NGLY1: variants seen among roughly 807,000 people sequenced by gnomAD.
NGLY1 encodes the protein N-glycanase 1.
In NGLY1, 68 loss-of-function variants were observed where a neutral mutation model predicts 84.6. The observed-to-expected ratio is 0.80, with a 90% CI of 0.66 to 0.98. The LOEUF (loss-of-function observed/expected upper bound fraction) is 0.98. Among genes scored for constraint, NGLY1 ranks in the 50% least tolerant of loss-of-function variants. The pLI, the probability that NGLY1 is intolerant of heterozygous loss-of-function variation, is 0.00. For synonymous variants in NGLY1, 280 were observed against 275.2 expected (o/e 1.02, Z -0.17); for missense variants, 779 against 770.2 (o/e 1.01, Z -0.14).
At chr3:25,764,402 A>C (rs1707461457) in intron 2 of NGLY1, 91 bp from the exon 3 acceptor site, 1 of 1,269,620 alleles carries the variant, frequency 7.9e-7, no homozygotes. Flanking sequence ...TAATGAAACC[A>C]ATAATATAGA....
chr3:25,779,958 CTTTG>C (rs1009144992), intron 1 of NGLY1, among the ~76,000 whole-genome samples: 9 of 151,976 alleles, frequency 5.9e-5, no homozygotes, highest in African/African-American at 1.7e-4. Flanking sequence ...GAAATTTTTT[CTTTG>C]TTTGTTTACA....
chr3:25,737,093 A>AG (rs1435200475), intron 6 of NGLY1: 13 of 350,974 alleles, frequency 3.7e-5, no homozygotes, highest in African/African-American at 8.4e-5. Context: ...AAAAAAATAA[A>AG]GGGGAAAAAA....
chr3:25,765,348 T>A (rs1184190599), intron 2 of NGLY1, among the ~76,000 whole-genome samples: 1 of 150,326 alleles, frequency 6.7e-6, no homozygotes, highest in African/African-American at 2.4e-5. Context: ...TAATCCCAGC[T>A]ACTTGGGAGG....
At chr3:25,722,914 C>T (rs1225743942) in intron 10 of NGLY1, among the ~76,000 whole-genome samples, 77 of 151,920 alleles carry the variant, frequency 5.1e-4, no homozygotes, top group Non-Finnish European at 1.8e-4. Flanking sequence ...GAAAGAAGAG[C>T]CAAACAGAGA....
chr3:25,733,942 T>G lies in NGLY1; in HGVS notation c.1190A>C (p.Glu397Ala), dbSNP rs1220069821. ...AACCTTAGTTCTTCTGGCAATCACC[T>G]CTTCATGTTTGCAGGAATATCGCCA... ...VTWRYSCKHE[E>A]VIARRTKVKE... The change falls in exon 8 of 12, where the codon GAG becomes GCG. Residue 397 changes from glutamate to alanine, a missense_variant. Physicochemically the swap from Glu to Ala is moderately radical, Grantham distance 107. Coordinates refer to ENST00000280700, the MANE Select transcript of NGLY1 (RefSeq NM_018297.4). 1.2e-6 allele frequency: 2 copies of G among 1,613,834 alleles called. No individual in the cohort carries two copies. The highest frequency in any genetic ancestry group is 1.7e-6 in the Non-Finnish European group (2 of 1,179,836).
At chr3:25,746,419 TAC>T (rs1400100314) in intron 4 of NGLY1, among the ~76,000 whole-genome samples, 1 of 152,216 alleles carries the variant, frequency 6.6e-6, no homozygotes, top group Admixed American at 6.5e-5. Flanking sequence ...AGATCTTAAA[TAC>T]ACATACTCCA....
At chr3:25,752,688 C>T (rs944786344) in intron 3 of NGLY1, among the ~76,000 whole-genome samples, 3 of 151,420 alleles carry the variant, frequency 2.0e-5, no homozygotes, top group East Asian at 1.9e-4. Context: ...GTGTTGTGTG[C>T]CTGCAGTCCC....
intron 7 of NGLY1, chr3:25,734,669 G>A: frequency 2.1e-6 from 1 of 483,674 alleles, no homozygotes; most frequent in Non-Finnish European, 2.7e-6. Flanking sequence ...CTGGGATCAT[G>A]CAACTGCACT....
chr3:25,736,731 TTTAAG>T (rs1381001850), intron 6 of NGLY1: 2 of 189,430 alleles, frequency 1.1e-5, no homozygotes, highest in Non-Finnish European at 2.2e-5. Context: ...TATACTGTGC[TTTAAG>T]TTTATAGTTT....
In NGLY1 at chr3:25,739,624, C is replaced by T. The variant is rs1437417087; in HGVS notation, c.834G>A (p.Val278=). 6.8e-6 allele frequency: 11 copies of T among 1,613,994 alleles called. No individual in the cohort carries two copies. The highest frequency in any genetic ancestry group is 8.5e-6 in the Non-Finnish European group (10 of 1,180,006). The stretch of plus-strand genomic sequence containing the variant: ...GGCAGGCATCACAGTAATGATCTTC[C>T]ACTTCCTTTGCACCCCACTTCAGCT... ...DDELKWGAKE[V]EDHYCDACQF... The change falls in exon 5 of 12, where the codon GTG becomes GTA. Residue 278 remains valine, a synonymous_variant. Transcript: ENST00000280700.
At chr3:25,784,953 G>C (rs758724760), upstream of NGLY1, among the ~76,000 whole-genome samples, 6 of 152,000 alleles carry the variant, frequency 3.9e-5, no homozygotes, top group Non-Finnish European at 5.9e-5. Flanking sequence ...CTTAGAACAG[G>C]GGTCAAGAAA....
At position 25,751,239 on chromosome 3, in the gene NGLY1, C is replaced by A; in HGVS notation, c.517G>T (p.Glu173Ter). 6.3e-7 allele frequency: 1 copy of A among 1,584,108 alleles called. No individual in the cohort carries two copies. The highest frequency in any genetic ancestry group is 8.6e-7 in the Non-Finnish European group (1 of 1,166,248). ...STVAADSAIL[E>*]VLQSNIQHVL... ...TGCTGAATGTTGGACTGAAGAACTT[C>A]TAGAATGGCTGAGTCAGCAGCAACC... Residue 173 changes from glutamate (E) to a stop codon, truncating the protein, a stop_gained, in exon 4 of 12, where the codon GAA becomes TAA. Transcript: ENST00000280700. LOFTEE classifies it high-confidence loss of function.
At position 25,732,248 on chromosome 3, in the gene NGLY1, A is replaced by C. The variant is rs984344472; in HGVS notation, c.1425+71T>G. The C allele has an allele frequency of 7.3e-6, 10 of 1,372,224 alleles. No individual in the cohort carries two copies. In the Admixed American group the frequency reaches 1.5e-4, roughly 20 times the overall value. The allele number at this position is 1,372,224 out of a possible 1,614,324, so 85.0% of individuals were successfully genotyped here. A position where few individuals can be genotyped will look rare whatever the true frequency, so the allele number is the denominator to read the frequency against. ...AGGTCATAGTCAATGCAGTTGGAGG[A>C]TAGTATAGGAAGAGCATAGTATATG... On this transcript the variant is annotated intron_variant, in intron 9 of 11. Coordinates refer to ENST00000280700, the MANE Select transcript of NGLY1 (RefSeq NM_018297.4).
intron 9 of NGLY1, chr3:25,729,533 G>A (rs1705433912): frequency 6.4e-6 from 2 of 314,422 alleles, no homozygotes; most frequent in Non-Finnish European, 1.1e-5. Context: ...CAAGAAGTAT[G>A]AGCTCTGACT....
intron 10 of NGLY1, 97 bp downstream of exon 10, chr3:25,729,036 T>C (rs1705404593): frequency 5.1e-6 from 4 of 782,546 alleles, no homozygotes; most frequent in Non-Finnish European, 5.5e-6. Flanking sequence ...AAGTTTGATA[T>C]ATCAGTTTTC....
chr3:25,789,093 G>C (rs1161451328), intron 1 of NGLY1, among the ~76,000 whole-genome samples: 1 of 152,240 alleles, frequency 6.6e-6, no homozygotes, highest in Non-Finnish European at 1.5e-5. Flanking sequence ...GCCTGGGATA[G>C]CATGTGAAAA....
intron 4 of NGLY1, among the ~76,000 whole-genome samples, chr3:25,747,077 A>G (rs1262243839): frequency 1.3e-5 from 2 of 152,186 alleles, no homozygotes; most frequent in Non-Finnish European, 2.9e-5. Flanking sequence ...TTTAAAAATT[A>G]TACTTCATAC....
intron 4 of NGLY1, among the ~76,000 whole-genome samples, chr3:25,741,924 C>T (rs1706168280): frequency 1.3e-5 from 2 of 152,072 alleles, no homozygotes; most frequent in Non-Finnish European, 2.9e-5. Flanking sequence ...TCACTTGAAC[C>T]TGGGAGGCGG....
intron 3 of NGLY1, chr3:25,754,954 G>A (rs1341690485): frequency 4.0e-6 from 3 of 741,164 alleles, no homozygotes; most frequent in Non-Finnish European, 7.5e-6. Flanking sequence ...CACTTCCCAA[G>A]AACGCTCCTA....
Sources: gnomAD v4.1 joint callset for allele counts (sites outside exome capture counted in the v4.1 genomes callset) on GRCh38, gnomAD v4.1.1 for gene constraint, MANE v1.5 for transcripts, NCBI Gene and HGNC (gene_info 2026-07-23, HGNC 2026-07-21) for gene names.